PARD6G: variants seen among roughly 807,000 people sequenced by gnomAD.
The protein encoded by PARD6G is partitioning defective 6 homolog gamma.
PARD6G carries 7 observed loss-of-function variants against 10.7 expected under a neutral mutation model. The observed-to-expected ratio is 0.66, with a 90% CI of 0.37 to 1.23. PARD6G has a LOEUF of 1.23. PARD6G is among the 50% of genes most tolerant of loss of function. The pLI, the probability that PARD6G is intolerant of heterozygous loss-of-function variation, is 0.02. For synonymous variants in PARD6G, 287 were observed against 269.4 expected (o/e 1.07, Z -0.64); for missense variants, 548 against 571.8 (o/e 0.96, Z 0.42).
intron 2 of PARD6G, among the ~76,000 whole-genome samples, chr18:80,163,649 T>A (rs914815328): frequency 1.3e-5 from 2 of 152,194 alleles, no homozygotes; most frequent in Non-Finnish European, 2.9e-5. Flanking sequence ...CTGGCCGTGG[T>A]GCACGGTGGA....
intron 1 of PARD6G, among the ~76,000 whole-genome samples, chr18:80,225,158 C>T (rs954954048): frequency 3.9e-5 from 6 of 152,198 alleles, no homozygotes; most frequent in African/African-American, 1.2e-4. Context: ...TCTCAGTCTA[C>T]GCACGAAGCA....
chr18:80,244,239 A>C lies in PARD6G; in HGVS notation c.72+3038T>G, dbSNP rs184492921. 4.5e-3 allele frequency among the ~76,000 whole-genome samples: 679 copies of C among 152,262 alleles called. 9 individuals carry two copies. The highest frequency in any genetic ancestry group is 4.1e-3 in the South Asian group (20 of 4,826). On this transcript the variant is annotated intron_variant, in intron 1 of 2. Transcript: ENST00000353265. Reference sequence around the variant, plus strand: ...GCAGGTCCTGTGGAAGGAGAGGCCAAAGTCGAAGCTAAGTGGGAAAAGGGT... The same window carrying C: ...GCAGGTCCTGTGGAAGGAGAGGCCACAGTCGAAGCTAAGTGGGAAAAGGGT...
At chr18:80,222,419 C>CT (rs1434092706) in intron 1 of PARD6G, among the ~76,000 whole-genome samples, 1 of 152,140 alleles carries the variant, frequency 6.6e-6, no homozygotes, top group African/African-American at 2.4e-5. Context: ...GACAGCAATA[C>CT]TCCCCAAATT....
At chr18:80,187,397 CGTGT>C (rs2052885682) in intron 2 of PARD6G, among the ~76,000 whole-genome samples, 1 of 152,284 alleles carries the variant, frequency 6.6e-6, no homozygotes, top group Admixed American at 6.5e-5. Context: ...ACACACGAGG[CGTGT>C]GTGTGAGAAG....
At chr18:80,190,175 T>A (rs371344359) in intron 2 of PARD6G, among the ~76,000 whole-genome samples, 2 of 152,208 alleles carry the variant, frequency 1.3e-5, no homozygotes, top group Non-Finnish European at 2.9e-5. Flanking sequence ...TTCTACCCCA[T>A]GTTTTCTGCT....
intron 2 of PARD6G, among the ~76,000 whole-genome samples, chr18:80,198,695 T>C (rs1238289327): frequency 6.6e-6 from 1 of 152,212 alleles, no homozygotes; most frequent in Non-Finnish European, 1.5e-5. Context: ...GAGAGGATTT[T>C]TTTTTAAAGT....
intron 2 of PARD6G, among the ~76,000 whole-genome samples, chr18:80,186,669 C>T (rs892282254): frequency 2.6e-5 from 4 of 152,058 alleles, no homozygotes; most frequent in Middle Eastern, 6.3e-3. Context: ...CATATAATCA[C>T]ACGTGATACG....
At chr18:80,240,470 A>C (rs1967477709) in intron 1 of PARD6G, among the ~76,000 whole-genome samples, 1 of 152,142 alleles carries the variant, frequency 6.6e-6, no homozygotes, top group Non-Finnish European at 1.5e-5. Flanking sequence ...AATATAAACA[A>C]GGCACTGCTC....
chr18:80,194,962 G>C (rs1005946155), intron 2 of PARD6G, among the ~76,000 whole-genome samples: 9 of 152,132 alleles, frequency 5.9e-5, no homozygotes, highest in Non-Finnish European at 1.2e-4. Flanking sequence ...CCACTGTTGC[G>C]TCTCACTGTG....
chr18:80,208,343 A>C (rs546581006), intron 1 of PARD6G, among the ~76,000 whole-genome samples: 54 of 152,310 alleles, frequency 3.5e-4, no homozygotes, highest in Admixed American at 1.2e-3. Flanking sequence ...ACATTTGAAG[A>C]CCACAACATC....
chr18:80,206,083 G>C (rs4798947), intron 1 of PARD6G, among the ~76,000 whole-genome samples: 29,478 of 152,058 alleles, frequency 0.19, 3,540 homozygotes, highest in African/African-American at 0.34. Context: ...ACACATCTCA[G>C]TTTCTCAGTA....
In PARD6G at chr18:80,184,920, C is replaced by T. The variant is rs536624889; in HGVS notation, c.295+17790G>A. The T allele has an allele frequency of 4.6e-5, 7 of 152,278 alleles. No homozygotes were observed. In the South Asian group the frequency reaches 1.4e-3, roughly 32 times the overall value. 9.4% of individuals were successfully genotyped at this position (152,278 alleles called of 1,614,324 possible). The stretch of plus-strand genomic sequence containing the variant: ...CACTGGCTTGGACAACCTAAATGGT[C>T]GGATGCTGACTTAGGTCTCAATAAA... On this transcript the variant is annotated intron_variant, in intron 2 of 2. Coordinates refer to ENST00000353265, the MANE Select transcript of PARD6G (RefSeq NM_032510.4). This position sits in a 1 kb window ranked among gnomAD's most constrained non-coding sequence, Gnocchi z 4.5.
At chr18:80,172,633 C>T (rs1599847092) in intron 2 of PARD6G, among the ~76,000 whole-genome samples, 1 of 152,188 alleles carries the variant, frequency 6.6e-6, no homozygotes, top group African/African-American at 2.4e-5. Flanking sequence ...GATCTGCCTG[C>T]CTCGTTCTCC....
rs1298724916 is a variant in PARD6G at position 80,184,169 on chromosome 18, G to C, written c.295+18541C>G. The C allele has an allele frequency of 6.6e-6, 1 of 152,168 alleles. No homozygotes were observed. The highest frequency in any genetic ancestry group is 2.4e-5 in the African/African-American group (1 of 41,430). The allele number at this position is 152,168 out of a possible 1,614,324, so 9.4% of individuals were successfully genotyped here. On this transcript the variant is annotated intron_variant, in intron 2 of 2. Transcript: ENST00000353265. This position sits in a 1 kb window ranked among gnomAD's most constrained non-coding sequence, Gnocchi z 4.5. ...CACAGCTGAAGTCACATTCAATGCG[G>C]AACACTGGGCACCTCCCCCTAAGGT...
Position 80,159,559 on chromosome 18 carries a change from TAG to T in PARD6G, c.*210_*211del, listed in dbSNP as rs1046048452. ...CCAAGACCTGCACTCAGGCCTGGTA[TAG>T]AGTGTCTCTACAGGCGTTCATTTTA... On this transcript the variant is annotated 3_prime_UTR_variant, in exon 3 of 3. Coordinates refer to ENST00000353265, the MANE Select transcript of PARD6G (RefSeq NM_032510.4). The T allele has an allele frequency of 4.4e-6, 3 of 681,598 alleles. No homozygotes were observed. The highest frequency in any genetic ancestry group is 1.2e-4 in the South Asian group (2 of 17,054). The allele number at this position is 681,598 out of a possible 1,614,324, so 42.2% of individuals were successfully genotyped here.
At chr18:80,162,845 T>C (rs1250516036) in intron 2 of PARD6G, among the ~76,000 whole-genome samples, 2 of 152,110 alleles carry the variant, frequency 1.3e-5, no homozygotes, top group Non-Finnish European at 2.9e-5. Context: ...CTTCCCGTGA[T>C]GAGGAGAGAC....
chr18:80,178,960 C>T (rs2052832367), intron 2 of PARD6G, among the ~76,000 whole-genome samples: 1 of 152,152 alleles, frequency 6.6e-6, no homozygotes, highest in Admixed American at 6.5e-5. Context: ...GGGCGGGTGG[C>T]GACCTGCAGG....
At chr18:80,198,382 G>A (rs1166503583) in intron 2 of PARD6G, among the ~76,000 whole-genome samples, 1 of 152,226 alleles carries the variant, frequency 6.6e-6, no homozygotes, top group African/African-American at 2.4e-5. Context: ...TAAAACAAAT[G>A]TGTGACAGAT....
Position 80,231,859 on chromosome 18 carries a change from G to C in PARD6G, c.72+15418C>G, listed in dbSNP as rs1967361439. ...CCTTCTCAAAAACCCAAAGTTGCAA[G>C]CACAGTAAAGGCAGACCTCTTGCAT... On this transcript the variant is annotated intron_variant, in intron 1 of 2. Transcript: ENST00000353265. The surrounding 1 kb of genome is among the most constrained non-coding windows in gnomAD (Gnocchi z 4.2). Among the ~76,000 whole-genome samples, 1 of 152,196 alleles carries C rather than the reference G, an allele frequency of 6.6e-6. No homozygotes were observed. Among genetic ancestry groups the C allele is most frequent in the African/African-American group, 2.4e-5 (1 of 41,528 alleles).
Sources: gnomAD v4.1 joint callset for allele counts (sites outside exome capture counted in the v4.1 genomes callset) on GRCh38, gnomAD v4.1.1 for gene constraint, Gnocchi (gnomAD v3.1) non-coding constraint, MANE v1.5 for transcripts, NCBI Gene and HGNC (gene_info 2026-07-23, HGNC 2026-07-21) for gene names.